Variants in SLC35D4 observed in about 807,000 individuals in gnomAD.
The protein encoded by SLC35D4 is UDP-N-acetylglucosamine transporter SLC35D4.
At chr18:23,379,180 G>A in the SLC35D4 span, among the ~76,000 whole-genome samples, 1 of 151,678 alleles carries the variant, frequency 6.6e-6, no homozygotes, top group Non-Finnish European at 1.5e-5. Context: ...ATGGAGTGCG[G>A]TGGCGTGATC....
the SLC35D4 span, among the ~76,000 whole-genome samples, chr18:23,261,618 G>GA: frequency 3.3e-5 from 5 of 151,336 alleles, no homozygotes; most frequent in African/African-American, 1.2e-4. Flanking sequence ...CCCTGTCTCA[G>GA]AAAAAAAAGA....
chr18:23,427,424 A>G, the SLC35D4 span, among the ~76,000 whole-genome samples: 1 of 152,200 alleles, frequency 6.6e-6, no homozygotes, highest in African/African-American at 2.4e-5. Context: ...AAAAATGCTC[A>G]TCATCACTGG....
At chr18:23,372,226 G>A in the SLC35D4 span, among the ~76,000 whole-genome samples, 14,120 of 151,996 alleles carry the variant, frequency 0.093, 889 homozygotes, top group Middle Eastern at 0.18. Flanking sequence ...GTGAGCCACC[G>A]CGCCCAGCCC....
chr18:23,390,195 T>C, the SLC35D4 span, among the ~76,000 whole-genome samples: 1 of 152,226 alleles, frequency 6.6e-6, no homozygotes, highest in Non-Finnish European at 1.5e-5. Context: ...GTTCTCTTTT[T>C]TACCTGACTC....
the SLC35D4 span, among the ~76,000 whole-genome samples, chr18:23,271,987 T>C: frequency 6.6e-5 from 10 of 152,304 alleles, no homozygotes; most frequent in South Asian, 2.1e-3. Context: ...CTTTGCCGTA[T>C]CCCCTATAAT....
the SLC35D4 span, among the ~76,000 whole-genome samples, chr18:23,432,979 CAAAAAAAAAAAAA>C: frequency 3.1e-5 from 3 of 98,358 alleles, no homozygotes; most frequent in Admixed American, 1.2e-4. Flanking sequence ...GACTCTGTCT[CAAAAAAAAAAAAA>C]AAAAAAAAAA....
At chr18:23,366,933 A>G in the SLC35D4 span, among the ~76,000 whole-genome samples, 7 of 152,244 alleles carry the variant, frequency 4.6e-5, no homozygotes, top group Non-Finnish European at 1.0e-4. Context: ...AGACTTCACA[A>G]TGATCAGCCC....
the SLC35D4 span, among the ~76,000 whole-genome samples, chr18:23,276,188 C>T: frequency 2.0e-5 from 3 of 151,918 alleles, no homozygotes; most frequent in Middle Eastern, 3.4e-3. Flanking sequence ...CCCGGGTTCA[C>T]GCCATTCTCC....
At chr18:23,380,852 G>A in the SLC35D4 span, among the ~76,000 whole-genome samples, 2 of 151,960 alleles carry the variant, frequency 1.3e-5, no homozygotes, top group Non-Finnish European at 2.9e-5. Flanking sequence ...TGTTGTGGAT[G>A]GTGAAAATGA....
chr18:23,435,885 G>A, the SLC35D4 span, among the ~76,000 whole-genome samples: 2 of 151,912 alleles, frequency 1.3e-5, no homozygotes, highest in Non-Finnish European at 2.9e-5. Context: ...TAGTAGAGAT[G>A]GGGTTTCACC....
chr18:23,244,790 G>A, the SLC35D4 span, among the ~76,000 whole-genome samples: 1 of 152,200 alleles, frequency 6.6e-6, no homozygotes, highest in Non-Finnish European at 1.5e-5. Flanking sequence ...CCTGCCCCAG[G>A]TCTTACAGCT....
chr18:23,351,570 T>C, the SLC35D4 span, among the ~76,000 whole-genome samples: 1 of 152,146 alleles, frequency 6.6e-6, no homozygotes, highest in Non-Finnish European at 1.5e-5. Context: ...TAAATAATGA[T>C]TTCATTAAAT....
chr18:23,308,848 TTCTCTC>T, the SLC35D4 span, among the ~76,000 whole-genome samples: 75 of 140,270 alleles, frequency 5.3e-4, 1 homozygote, highest in South Asian at 2.2e-3. Flanking sequence ...AGCACGTGTT[TTCTCTC>T]TCTCTCTCTC....
the SLC35D4 span, among the ~76,000 whole-genome samples, chr18:23,371,154 G>A: frequency 6.7e-6 from 1 of 150,360 alleles, no homozygotes; most frequent in African/African-American, 2.4e-5. Flanking sequence ...GAGTGCGGTG[G>A]TGTGATCATG....
At chr18:23,321,525 G>A in the SLC35D4 span, among the ~76,000 whole-genome samples, 2 of 151,862 alleles carry the variant, frequency 1.3e-5, no homozygotes, top group South Asian at 2.1e-4. Context: ...GTGCAATCAC[G>A]GCTCACTGCA....
the SLC35D4 span, among the ~76,000 whole-genome samples, chr18:23,279,241 T>C: frequency 5.3e-5 from 8 of 152,068 alleles, no homozygotes; most frequent in African/African-American, 1.9e-4. Context: ...AGGAAGAAGA[T>C]AGAGAAAAGG....
the SLC35D4 span, chr18:23,259,554 G>A: frequency 6.6e-6 from 1 of 152,198 alleles, no homozygotes; most frequent in Non-Finnish European, 1.5e-5. Context: ...TTTGTGGAAT[G>A]GACAGTTTTG....
the SLC35D4 span, among the ~76,000 whole-genome samples, chr18:23,381,726 C>T: frequency 1.3e-5 from 2 of 152,172 alleles, no homozygotes; most frequent in Non-Finnish European, 2.9e-5. Context: ...CAGGGCCTCT[C>T]AGCCAGACAT....
the SLC35D4 span, among the ~76,000 whole-genome samples, chr18:23,315,298 G>A: frequency 9.2e-5 from 14 of 152,222 alleles, no homozygotes; most frequent in East Asian, 1.5e-3. Flanking sequence ...TAGGTCTGCC[G>A]ATATAGCCGA....
Sources: gnomAD v4.1 joint callset for allele counts (sites outside exome capture counted in the v4.1 genomes callset) on GRCh38, gnomAD v4.1.1 for gene constraint, MANE v1.5 for transcripts, NCBI Gene and HGNC (gene_info 2026-07-23, HGNC 2026-07-21) for gene names.